The following NALF1 variants were observed in gnomAD, a reference collection of about 807,000 sequenced individuals.
NALF1 encodes the protein NALCN channel auxiliary factor 1.
In NALF1, 3 loss-of-function variants were observed where a neutral mutation model predicts 48.4. That is an observed-to-expected ratio of 0.06 (90% CI 0.03 to 0.16). NALF1 has a LOEUF of 0.16. NALF1 is among the 10% of genes least tolerant of loss of function. The pLI, the probability that NALF1 is intolerant of heterozygous loss-of-function variation, is 1.00. For synonymous variants in NALF1, 262 were observed against 245.7 expected (o/e 1.07, Z -0.62); for missense variants, 526 against 571.5 (o/e 0.92, Z 0.81).
At chr13:107,299,175 G>C (rs912427211) in intron 1 of NALF1, among the ~76,000 whole-genome samples, 1 of 152,086 alleles carries the variant, frequency 6.6e-6, no homozygotes, top group African/African-American at 2.4e-5. Context: ...TCCTACAGCA[G>C]TGAATGTTGT....
chr13:107,651,130 T>TA (rs370738580), intron 1 of NALF1, among the ~76,000 whole-genome samples: 2 of 80,578 alleles, frequency 2.5e-5, no homozygotes, highest in Non-Finnish European at 5.7e-5. Flanking sequence ...ATTTGTTTAA[T>TA]GATGAGATAA....
Position 107,256,628 on chromosome 13 carries a change from A to G in NALF1, c.916-45873T>C, listed in dbSNP as rs558025509. Among the ~76,000 whole-genome samples the G allele has an allele frequency of 4.7e-4, 71 of 152,268 alleles. 3 individuals are homozygous for G. The South Asian group carries it at 0.014, about 31-fold the overall frequency. The stretch of plus-strand genomic sequence containing the variant: ...AGTAAAGTTTTAATACATATCTTCA[A>G]TGCTTCATTTTCTTCTTACTTGTTA... On this transcript the variant is annotated intron_variant, in intron 1 of 2. Coordinates refer to ENST00000375915, the MANE Select transcript of NALF1 (RefSeq NM_001080396.3).
At chr13:107,614,778 C>CTT (rs1190590753) in intron 1 of NALF1, among the ~76,000 whole-genome samples, 105 of 117,448 alleles carry the variant, frequency 8.9e-4, no homozygotes, top group African/African-American at 3.2e-3. Context: ...TTTTTTTTTT[C>CTT]TTTCTTTTCT....
chr13:107,758,497 G>T (rs1269810622), intron 1 of NALF1, among the ~76,000 whole-genome samples: 1 of 152,074 alleles, frequency 6.6e-6, no homozygotes, highest in South Asian at 2.1e-4. Context: ...TGAGGCGGGC[G>T]GATCATGAGG....
chr13:107,539,188 T>G lies in NALF1; in HGVS notation c.915+326494A>C, dbSNP rs377635454. Reference sequence around the variant, plus strand: ...CAGACTGGTCAATTTATCAAGAAAATAAGCTCATTCAACTTATGATTCTGG... The same window carrying G: ...CAGACTGGTCAATTTATCAAGAAAAGAAGCTCATTCAACTTATGATTCTGG... On this transcript the variant is annotated intron_variant, in intron 1 of 2. Transcript: ENST00000375915. Among the ~76,000 whole-genome samples, 184 of 151,992 alleles carry G rather than the reference T, an allele frequency of 1.2e-3. 5 individuals are homozygous for G. The highest frequency in any genetic ancestry group is 4.1e-3 in the African/African-American group (169 of 41,356).
intron 1 of NALF1, among the ~76,000 whole-genome samples, chr13:107,391,651 C>T (rs1883629118): frequency 1.3e-5 from 2 of 152,152 alleles, no homozygotes; most frequent in Non-Finnish European, 2.9e-5. Flanking sequence ...TGCCCACAAT[C>T]CTTTACCTTA....
intron 1 of NALF1, among the ~76,000 whole-genome samples, chr13:107,612,236 AGAG>A (rs1879251402): frequency 1.3e-5 from 2 of 151,868 alleles, no homozygotes. Flanking sequence ...TATTAAACTC[AGAG>A]AAAACAGAAA....
At chr13:107,621,463 A>T (rs1170933384) in intron 1 of NALF1, among the ~76,000 whole-genome samples, 1 of 152,182 alleles carries the variant, frequency 6.6e-6, no homozygotes, top group Non-Finnish European at 1.5e-5. Context: ...TAAAATTATA[A>T]AGAACTATTA....
chr13:107,832,569 C>T (rs1879770656), intron 1 of NALF1, among the ~76,000 whole-genome samples: 3 of 152,144 alleles, frequency 2.0e-5, no homozygotes, highest in Non-Finnish European at 1.5e-5. Flanking sequence ...TTGTCTGCCT[C>T]TCCCGTCTTA....
chr13:107,528,379 A>G (rs938459892), intron 1 of NALF1, among the ~76,000 whole-genome samples: 4 of 152,202 alleles, frequency 2.6e-5, no homozygotes, highest in Admixed American at 6.6e-5. Context: ...ACTGTGTGAC[A>G]TATCAGTTAC....
At chr13:107,760,099 G>A (rs1215377384) in intron 1 of NALF1, among the ~76,000 whole-genome samples, 1 of 152,150 alleles carries the variant, frequency 6.6e-6, no homozygotes, top group Non-Finnish European at 1.5e-5. Context: ...TAAAATTCAA[G>A]CAAACCTTAG....
intron 1 of NALF1, among the ~76,000 whole-genome samples, chr13:107,484,139 C>CATCATTTATGAT (rs1355811240): frequency 5.9e-5 from 9 of 152,014 alleles, no homozygotes; most frequent in African/African-American, 2.2e-4. Context: ...ATGAGAAAGT[C>CATCATTTATGAT]ATCATTTATG....
chr13:107,791,779 GCCCC>G (rs11288200), intron 1 of NALF1, among the ~76,000 whole-genome samples: 1 of 149,762 alleles, frequency 6.7e-6, no homozygotes, highest in Non-Finnish European at 1.5e-5. Context: ...GGTGATCCCC[GCCCC>G]CCCCCGTCTC....
chr13:107,852,085 A>G (rs2138643070), intron 1 of NALF1, among the ~76,000 whole-genome samples: 1 of 151,966 alleles, frequency 6.6e-6, no homozygotes, highest in Non-Finnish European at 1.5e-5. Context: ...TACAGGTATG[A>G]GCCACCTCAC....
chr13:107,348,533 G>A (rs1882814616), intron 1 of NALF1, among the ~76,000 whole-genome samples: 1 of 152,014 alleles, frequency 6.6e-6, no homozygotes, highest in African/African-American at 2.4e-5. Context: ...CTATCAACCT[G>A]TCGTCTAGGT....
intron 1 of NALF1, among the ~76,000 whole-genome samples, chr13:107,399,865 T>C (rs971320542): frequency 2.0e-5 from 3 of 152,148 alleles, no homozygotes; most frequent in Non-Finnish European, 4.4e-5. Flanking sequence ...CACATAATTA[T>C]AGCATTCTGT....
At chr13:107,343,106 C>A (rs1264911385) in intron 1 of NALF1, among the ~76,000 whole-genome samples, 1 of 152,130 alleles carries the variant, frequency 6.6e-6, no homozygotes. Flanking sequence ...GAATGTCTCC[C>A]AGGATAGATC....
chr13:107,546,642 G>A (rs954971515), intron 1 of NALF1, among the ~76,000 whole-genome samples: 6 of 151,010 alleles, frequency 4.0e-5, no homozygotes, highest in Admixed American at 2.0e-4. Context: ...TCTCTCTCCC[G>A]CCCTCTCTCT....
rs1476366404 is a variant in NALF1 at position 107,445,430 on chromosome 13, T to C, written c.916-234675A>G. 3.9e-5 allele frequency among the ~76,000 whole-genome samples: 6 copies of C among 152,218 alleles called. No individual in the cohort carries two copies. The East Asian group carries it at 5.8e-4, about 15-fold the overall frequency. ...TAATTTGTTCCTTTCTATTGCCTAG[T>C]ATGGATGCGTCACAGTTTGTTTAAC... On this transcript the variant is annotated intron_variant, in intron 1 of 2. Coordinates refer to ENST00000375915, the MANE Select transcript of NALF1 (RefSeq NM_001080396.3).
Sources: allele counts gnomAD v4.1 joint callset (sites outside exome capture counted in the v4.1 genomes callset), GRCh38; gene constraint gnomAD v4.1.1; transcripts MANE v1.5; gene names NCBI Gene and HGNC (gene_info 2026-07-23, HGNC 2026-07-21).